The following NKAIN1 variants were observed in gnomAD, a reference collection of about 807,000 sequenced individuals.
NKAIN1 encodes sodium/potassium transporting ATPase interacting 1.
A neutral mutation model predicts 31.6 loss-of-function variants in NKAIN1; 13 were observed. The observed-to-expected ratio is 0.41, with a 90% CI of 0.27 to 0.65. The LOEUF (loss-of-function observed/expected upper bound fraction) is 0.65. NKAIN1 is among the 30% of genes least tolerant of loss of function. NKAIN1 has a pLI of 0.30. For missense variants in NKAIN1, 193 were observed against 262.2 expected, an observed-to-expected ratio of 0.74 and a Z score of 1.82; for synonymous variants, 104 against 109.0, an observed-to-expected ratio of 0.95 and a Z score of 0.28.
intron 1 of NKAIN1, among the ~76,000 whole-genome samples, chr1:31,211,163 T>C (rs935460590): frequency 6.6e-6 from 1 of 152,096 alleles, no homozygotes; most frequent in Admixed American, 6.6e-5. Context: ...CCAGGACAAT[T>C]AGGCAAGAAA....
intron 1 of NKAIN1, among the ~76,000 whole-genome samples, chr1:31,224,673 G>C (rs913581838): frequency 6.6e-6 from 1 of 152,254 alleles, no homozygotes; most frequent in African/African-American, 2.4e-5. Context: ...ATCATGAAGC[G>C]TAAGTGCCCT....
chr1:31,202,622 A>C (rs1272599829), intron 1 of NKAIN1, among the ~76,000 whole-genome samples: 3 of 145,398 alleles, frequency 2.1e-5, no homozygotes, highest in African/African-American at 7.7e-5. Flanking sequence ...GCTTGCAGTG[A>C]GCTGAGATTG....
At chr1:31,222,076 G>T (rs1213959230) in intron 1 of NKAIN1, among the ~76,000 whole-genome samples, 1 of 151,972 alleles carries the variant, frequency 6.6e-6, no homozygotes, top group Admixed American at 6.6e-5. Context: ...ACAGGGTTTC[G>T]CCATATTGGC....
At chr1:31,186,407 T>G (rs1414118609) in intron 2 of NKAIN1, among the ~76,000 whole-genome samples, 2 of 149,936 alleles carry the variant, frequency 1.3e-5, no homozygotes, top group Admixed American at 6.6e-5. Context: ...TTTTTTTTTT[T>G]TTTTTTTTTT....
chr1:31,184,493 G>A (rs752047343), intron 3 of NKAIN1, among the ~76,000 whole-genome samples: 2 of 152,058 alleles, frequency 1.3e-5, no homozygotes, highest in East Asian at 1.9e-4. Context: ...ACTGCCTGCC[G>A]ACCAGGGGCC....
At chr1:31,187,097 G>C (rs1645249864) in intron 2 of NKAIN1, among the ~76,000 whole-genome samples, 1 of 152,206 alleles carries the variant, frequency 6.6e-6, no homozygotes, top group African/African-American at 2.4e-5. Flanking sequence ...ATGAGAGAGA[G>C]CCTTGTTAGG....
chr1:31,211,728 T>C (rs1645471204), intron 1 of NKAIN1, among the ~76,000 whole-genome samples: 2 of 151,896 alleles, frequency 1.3e-5, no homozygotes, highest in African/African-American at 4.8e-5. Flanking sequence ...GGGGGTGGAT[T>C]GCTTGAGTTC....
In NKAIN1 at chr1:31,181,687, G is replaced by T. The variant is rs1402189890; in HGVS notation, c.*16C>A. The stretch of plus-strand genomic sequence containing the variant: ...TCAGCCCAGGGCGAGGCGCCGGGGT[G>T]GGCGCGGGGCAGAGGCTACCCCGAC... On this transcript the variant is annotated 3_prime_UTR_variant, in exon 7 of 7. Transcript: ENST00000373736. The T allele has an allele frequency of 1.4e-6, 2 of 1,457,988 alleles. No individual in the cohort carries two copies. The highest frequency in any genetic ancestry group is 2.9e-5 in the South Asian group (2 of 69,312). The allele number at this position is 1,457,988 out of a possible 1,614,324, so 90.3% of individuals were successfully genotyped here.
chr1:31,205,243 G>A (rs1645414263), intron 1 of NKAIN1, among the ~76,000 whole-genome samples: 1 of 151,868 alleles, frequency 6.6e-6, no homozygotes, highest in Non-Finnish European at 1.5e-5. Flanking sequence ...CAATTCTCCT[G>A]CCCCAGCCTC....
intron 1 of NKAIN1, among the ~76,000 whole-genome samples, chr1:31,230,546 TA>T (rs2148367545): frequency 6.6e-6 from 1 of 152,260 alleles, no homozygotes; most frequent in South Asian, 2.1e-4. Flanking sequence ...TCAGTGCCTC[TA>T]GGGGAAGTTT....
chr1:31,227,451 T>C (rs1645616633), intron 1 of NKAIN1, among the ~76,000 whole-genome samples: 1 of 152,060 alleles, frequency 6.6e-6, no homozygotes, highest in African/African-American at 2.4e-5. Context: ...TTCGGTGAAA[T>C]AGAGGTAGTA....
At chr1:31,190,933 A>G (rs954135476) in intron 1 of NKAIN1, among the ~76,000 whole-genome samples, 1 of 152,138 alleles carries the variant, frequency 6.6e-6, no homozygotes, top group Non-Finnish European at 1.5e-5. Flanking sequence ...CCATCAGAGG[A>G]CGGAGGAGGC....
intron 1 of NKAIN1, among the ~76,000 whole-genome samples, chr1:31,215,952 C>T (rs1645508732): frequency 6.6e-6 from 1 of 152,148 alleles, no homozygotes; most frequent in African/African-American, 2.4e-5. Context: ...GAGGGATGGG[C>T]CACTGCCCCC....
chr1:31,225,691 C>T (rs1350982899), intron 1 of NKAIN1, among the ~76,000 whole-genome samples: 1 of 149,394 alleles, frequency 6.7e-6, no homozygotes, highest in Non-Finnish European at 1.5e-5. Flanking sequence ...TGTGTGAGAG[C>T]CCCCCTCTCA....
At chr1:31,188,008 G>A (rs1349117097) in intron 2 of NKAIN1, 42 bp downstream of exon 2, 9 of 1,541,416 alleles carry the variant, frequency 5.8e-6, no homozygotes, top group African/African-American at 2.7e-5. Flanking sequence ...GGGCAGGGGT[G>A]AGGAGAGGAG....
chr1:31,211,414 C>A (rs145702966), intron 1 of NKAIN1, among the ~76,000 whole-genome samples: 2 of 152,040 alleles, frequency 1.3e-5, no homozygotes, highest in African/African-American at 4.8e-5. Flanking sequence ...ACAATAGCAT[C>A]AAAAAGAAGA....
chr1:31,223,078 A>G lies in NKAIN1; in HGVS notation c.54+16416T>C, dbSNP rs563880082. On this transcript the variant is annotated intron_variant, in intron 1 of 6. Transcript: ENST00000373736. ...GGGGAAAAGCAGCGGCTCTGGGATC[A>G]GAAATGCTCCATAAACGGCCAGGCG... is the stretch of plus-strand genomic sequence containing the variant. Among the ~76,000 whole-genome samples, 3 of 152,268 alleles carry G rather than the reference A, an allele frequency of 2.0e-5. No individual in the cohort carries two copies. The East Asian group carries it at 5.8e-4, about 30-fold the overall frequency.
intron 1 of NKAIN1, among the ~76,000 whole-genome samples, chr1:31,205,332 G>A (rs780558713): frequency 4.0e-5 from 6 of 151,638 alleles, no homozygotes; most frequent in Non-Finnish European, 7.4e-5. Flanking sequence ...TTTTTGAGAC[G>A]GAGTCTGGCT....
intron 1 of NKAIN1, among the ~76,000 whole-genome samples, chr1:31,189,718 G>T (rs1367447471): frequency 6.6e-6 from 1 of 152,200 alleles, no homozygotes; most frequent in Non-Finnish European, 1.5e-5. Flanking sequence ...GCCAAGTCTA[G>T]CCAAATAATC....
Sources: gnomAD v4.1 joint callset for allele counts (sites outside exome capture counted in the v4.1 genomes callset) on GRCh38, gnomAD v4.1.1 for gene constraint, MANE v1.5 for transcripts, NCBI Gene and HGNC (gene_info 2026-07-23, HGNC 2026-07-21) for gene names.